The following GRK3 variants were observed in gnomAD, a reference collection of about 807,000 sequenced individuals.
The protein encoded by GRK3 is adrenergic, beta, receptor kinase 2.
GRK3 carries 54 observed loss-of-function variants against 95.7 expected under a neutral mutation model. That is an observed-to-expected ratio of 0.56 (90% CI 0.45 to 0.71). GRK3 has a LOEUF of 0.71. Among genes scored for constraint, GRK3 ranks in the 30% least tolerant of loss-of-function variants. GRK3 has a pLI of 0.00. For synonymous variants in GRK3, 281 were observed against 290.8 expected (o/e 0.97, Z 0.34); for missense variants, 649 against 851.2 (o/e 0.76, Z 2.96).
At chr22:25,714,177 C>G (rs1397769729) in intron 17 of GRK3, among the ~76,000 whole-genome samples, 1 of 152,112 alleles carries the variant, frequency 6.6e-6, no homozygotes, top group African/African-American at 2.4e-5. Flanking sequence ...TGTAGCTGAT[C>G]CAGGACTGAA....
rs1018603145 is a variant in GRK3, at chr22:25,578,641, A to T, written c.113+13488A>T. Among the ~76,000 whole-genome samples, 3 of 152,160 alleles carry T rather than the reference A, an allele frequency of 2.0e-5. No individual in the cohort carries two copies. In the East Asian group the frequency reaches 5.8e-4, roughly 29 times the overall value. ...AGAGTTGGTGTCAGAGCGATGCAAC[A>T]TGAGAATGAGTCAACCAACCACTGC... On this transcript the variant is annotated intron_variant, in intron 1 of 20. Transcript: ENST00000324198.
chr22:25,648,504 A>C lies in GRK3; in HGVS notation c.264+3839A>C, dbSNP rs1215844115. On this transcript the variant is annotated intron_variant, in intron 3 of 20. Coordinates refer to ENST00000324198, the MANE Select transcript of GRK3 (RefSeq NM_005160.4). ...GATGGGAATATGGAATGGAACCACA[A>C]AAGTAGCAATCAAAACACTAAAACC... is the stretch of plus-strand genomic sequence containing the variant. The C allele has an allele frequency of 1.7e-5, 25 of 1,450,260 alleles. No homozygotes were observed. The African/African-American group carries it at 2.1e-4, about 12-fold the overall frequency. 89.8% of individuals were successfully genotyped at this position (1,450,260 alleles called of 1,614,324 possible).
intron 2 of GRK3, 68 bp downstream of exon 2, chr22:25,604,521 A>G: frequency 1.9e-6 from 2 of 1,052,900 alleles, no homozygotes. Context: ...CTATAGTAAT[A>G]TATGAATGCA....
At chr22:25,688,087 T>G (rs897118332) in intron 11 of GRK3, among the ~76,000 whole-genome samples, 9 of 151,900 alleles carry the variant, frequency 5.9e-5, no homozygotes, top group Non-Finnish European at 1.0e-4. Context: ...ATACAAAAAA[T>G]TAGCCGGGCG....
chr22:25,607,183 G>C (rs1291872573), intron 2 of GRK3, among the ~76,000 whole-genome samples: 1 of 151,658 alleles, frequency 6.6e-6, no homozygotes, highest in South Asian at 2.1e-4. Context: ...TTTTTTTGTG[G>C]TTACTGAATT....
At chr22:25,702,087 A>T (rs2085263385) in intron 13 of GRK3, among the ~76,000 whole-genome samples, 1 of 149,468 alleles carries the variant, frequency 6.7e-6, no homozygotes, top group South Asian at 2.1e-4. Context: ...CCTTGTTTTG[A>T]TCTTTTTTTT....
intron 10 of GRK3, among the ~76,000 whole-genome samples, chr22:25,686,519 A>G (rs549706763): frequency 2.6e-5 from 4 of 152,288 alleles, no homozygotes; most frequent in Admixed American, 1.3e-4. Flanking sequence ...GAATATGTGT[A>G]TGGAGAGAGA....
At chr22:25,616,029 G>A (rs2084535272) in intron 2 of GRK3, among the ~76,000 whole-genome samples, 1 of 150,026 alleles carries the variant, frequency 6.7e-6, no homozygotes, top group African/African-American at 2.5e-5. Context: ...GAGTTGGGGT[G>A]AGGGTGGAGA....
At chr22:25,714,217 A>T (rs1166644612) in intron 17 of GRK3, among the ~76,000 whole-genome samples, 191 bp from the exon 18 acceptor site, 3 of 152,190 alleles carry the variant, frequency 2.0e-5, no homozygotes, top group Non-Finnish European at 4.4e-5. Context: ...CTGTTTGTGG[A>T]TGATGATTGC....
chr22:25,713,470 G>A (rs770634391), intron 17 of GRK3, among the ~76,000 whole-genome samples: 3 of 152,192 alleles, frequency 2.0e-5, no homozygotes, highest in Non-Finnish European at 4.4e-5. Flanking sequence ...CTGGTGTTCT[G>A]TTGATTTGCT....
Position 25,685,154 on chromosome 22 carries a change from T to C in GRK3, c.748-16T>C. On this transcript the variant is annotated splice_polypyrimidine_tract_variant and intron_variant, in intron 9 of 20. Transcript: ENST00000324198. Reference sequence around the variant, plus strand: ...AGCTTTTGCTCTTCTTATAAACTTTTATTGTTTCACTCTAGGACTGTCCTT... The same window carrying C: ...AGCTTTTGCTCTTCTTATAAACTTTCATTGTTTCACTCTAGGACTGTCCTT... 6 of 1,590,362 alleles carry C rather than the reference T, an allele frequency of 3.8e-6. No individual in the cohort carries two copies. Among genetic ancestry groups the C allele is most frequent in the Non-Finnish European group, 5.2e-6 (6 of 1,159,764 alleles).
At chr22:25,671,030 G>C (rs1445916551) in intron 6 of GRK3, among the ~76,000 whole-genome samples, 1 of 149,928 alleles carries the variant, frequency 6.7e-6, no homozygotes, top group Non-Finnish European at 1.5e-5. Flanking sequence ...CTACAGTCTG[G>C]GGACATAGCA....
At chr22:25,586,314 G>C (rs1319455049) in intron 1 of GRK3, among the ~76,000 whole-genome samples, 1 of 152,284 alleles carries the variant, frequency 6.6e-6, no homozygotes, top group Non-Finnish European at 1.5e-5. Context: ...TAACACAACA[G>C]AGTGACTATA....
chr22:25,647,646 G>A, intron 3 of GRK3: 1 of 1,449,286 alleles, frequency 6.9e-7, no homozygotes, highest in South Asian at 1.1e-5. Context: ...AAGGAGACTG[G>A]TGGGAAGCAA....
At chr22:25,672,465 G>A (rs1198479880) in intron 7 of GRK3, 118 bp downstream of exon 7, 11 of 643,438 alleles carry the variant, frequency 1.7e-5, no homozygotes, top group Non-Finnish European at 2.2e-5. Flanking sequence ...CCAAACAGAT[G>A]TCTGTCTTAC....
At chr22:25,638,389 A>G (rs1204032109) in intron 2 of GRK3, among the ~76,000 whole-genome samples, 2 of 152,210 alleles carry the variant, frequency 1.3e-5, no homozygotes, top group Non-Finnish European at 2.9e-5. Context: ...ACACACACAC[A>G]ATAAGGGGGA....
intron 2 of GRK3, among the ~76,000 whole-genome samples, chr22:25,607,121 C>T (rs1601468761): frequency 6.6e-6 from 1 of 152,028 alleles, no homozygotes; most frequent in East Asian, 1.9e-4. Flanking sequence ...TTTACATCAC[C>T]TAGATTTGAT....
chr22:25,685,249 G>A lies in GRK3; in HGVS notation c.826+1G>A. On this transcript the variant is annotated splice_donor_variant, in intron 10 of 20. Coordinates refer to ENST00000324198, the MANE Select transcript of GRK3 (RefSeq NM_005160.4). LOFTEE classifies it high-confidence loss of function. ...TGCTTCATCCTGGATCTGATGAACGGTAAGCAAAACTTGGAAAATCTGAAT... is the reference window on the plus strand; with the variant it reads ...TGCTTCATCCTGGATCTGATGAACGATAAGCAAAACTTGGAAAATCTGAAT... 6.2e-7 allele frequency: 1 copy of A among 1,609,886 alleles called. No individual in the cohort carries two copies. The highest frequency in any genetic ancestry group is 8.5e-7 in the Non-Finnish European group (1 of 1,176,182).
In GRK3 at chr22:25,704,100, T is replaced by G. The variant is rs2085280261; in HGVS notation, c.1228-9T>G. On this transcript the variant is annotated splice_polypyrimidine_tract_variant and intron_variant, in intron 14 of 20. Coordinates refer to ENST00000324198, the MANE Select transcript of GRK3 (RefSeq NM_005160.4). Reference sequence around the variant, plus strand: ...CGGATTTTTGAAATCTTACTCGTCTTTTCCCCAGAATGTGGAACTTCCAGA... The same window carrying G: ...CGGATTTTTGAAATCTTACTCGTCTGTTCCCCAGAATGTGGAACTTCCAGA... The G allele has an allele frequency of 6.8e-6, 11 of 1,607,172 alleles. No individual in the cohort carries two copies. Among genetic ancestry groups the G allele is most frequent in the Non-Finnish European group, 8.5e-6 (10 of 1,175,134 alleles).
Sources: gnomAD v4.1 joint callset for allele counts (sites outside exome capture counted in the v4.1 genomes callset) on GRCh38, gnomAD v4.1.1 for gene constraint, MANE v1.5 for transcripts, NCBI Gene and HGNC (gene_info 2026-07-23, HGNC 2026-07-21) for gene names.